WIPI1: variants seen among roughly 807,000 people sequenced by gnomAD.
The protein encoded by WIPI1 is WD repeat domain, phosphoinositide interacting 1.
In WIPI1, 45 loss-of-function variants were observed where a neutral mutation model predicts 55.3. That is an observed-to-expected ratio of 0.81 (90% CI 0.64 to 1.04). The LOEUF is 1.04. Ranked by LOEUF, WIPI1 falls within the 50% of genes least tolerant of loss-of-function variation. The probability of loss-of-function intolerance (pLI) is 0.00; values close to 1 mark genes in which losing one functional copy is unlikely to be tolerated. For missense variants in WIPI1, 445 were observed against 559.0 expected (o/e 0.80, Z 2.06); for synonymous variants, 195 against 217.6 (o/e 0.90, Z 0.92).
chr17:68,431,155 C>A (rs570311676), intron 8 of WIPI1, among the ~76,000 whole-genome samples: 1 of 152,120 alleles, frequency 6.6e-6, no homozygotes, highest in African/African-American at 2.4e-5. Context: ...TGAGAGAGCA[C>A]GGGTGTATAC....
intron 1 of WIPI1, among the ~76,000 whole-genome samples, chr17:68,454,460 G>C (rs916744581): frequency 3.3e-5 from 5 of 152,202 alleles, no homozygotes; most frequent in Admixed American, 6.5e-5. Flanking sequence ...GGGACACAGG[G>C]ATAGGGCAAC....
rs1004794371 is a variant in WIPI1, at chr17:68,435,653, G to A, written c.588C>T (p.Ala196=). 6 of 1,614,108 alleles carry A rather than the reference G, an allele frequency of 3.7e-6. No individual in the cohort carries two copies. The highest frequency in any genetic ancestry group is 5.1e-6 in the Non-Finnish European group (6 of 1,180,044). ...ACGCACTTGCTAGTTTGGAGCCTGAGGCATTGAAGGTGATGGCAGCTAGTG... is the reference window on the plus strand; with the variant it reads ...ACGCACTTGCTAGTTTGGAGCCTGAAGCATTGAAGGTGATGGCAGCTAGTG... ...EGTLAAITFN[A]SGSKLASASE... The change falls in exon 6 of 13, where the codon GCC becomes GCT. Residue 196 remains alanine (A), a synonymous_variant. Coordinates refer to ENST00000262139, the MANE Select transcript of WIPI1 (RefSeq NM_017983.7).
intron 4 of WIPI1, among the ~76,000 whole-genome samples, chr17:68,439,855 T>G (rs2084003196): frequency 6.6e-6 from 1 of 152,176 alleles, no homozygotes; most frequent in South Asian, 2.1e-4. Flanking sequence ...ATGCCAAGCC[T>G]TCGTTTCTTA....
chr17:68,430,541 T>C (rs2083461476), intron 8 of WIPI1, among the ~76,000 whole-genome samples: 1 of 152,172 alleles, frequency 6.6e-6, no homozygotes, highest in Non-Finnish European at 1.5e-5. Context: ...GCCGGGCTCA[T>C]GGAAGAACAG....
At chr17:68,449,608 G>A (rs916999294) in intron 3 of WIPI1, among the ~76,000 whole-genome samples, 2 of 152,090 alleles carry the variant, frequency 1.3e-5, no homozygotes, top group Admixed American at 6.6e-5. Flanking sequence ...TTTAATAGTG[G>A]GTAGTACCCC....
chr17:68,428,516 A>G, intron 10 of WIPI1: 1 of 237,930 alleles, frequency 4.2e-6, no homozygotes, highest in Non-Finnish European at 8.4e-6. Flanking sequence ...TACAGGTGTG[A>G]GCCGCCACAC....
At chr17:68,451,874 G>A (rs954896672) in intron 2 of WIPI1, among the ~76,000 whole-genome samples, 3 of 152,168 alleles carry the variant, frequency 2.0e-5, no homozygotes, top group African/African-American at 7.2e-5. Context: ...GTATCTTTCT[G>A]AGCACATTCT....
rs115699358 is a variant in WIPI1, at chr17:68,441,584, C to T, written c.430+2909G>A. Reference sequence around the variant, plus strand: ...CAGGGCGGAGTCCTCTGAAGGTTCCCGAGTGAGGACCTGGTCATGTCACTG... The same window carrying T: ...CAGGGCGGAGTCCTCTGAAGGTTCCTGAGTGAGGACCTGGTCATGTCACTG... On this transcript the variant is annotated intron_variant, in intron 4 of 12. Coordinates refer to ENST00000262139, the MANE Select transcript of WIPI1 (RefSeq NM_017983.7). Among the ~76,000 whole-genome samples the T allele has an allele frequency of 8.9e-4, 135 of 152,238 alleles. 1 individual carries two copies. Among genetic ancestry groups the T allele is most frequent in the African/African-American group, 3.1e-3 (127 of 41,552 alleles).
In WIPI1 at chr17:68,423,874, A is replaced by G. The variant is rs1438988789; in HGVS notation, c.1294-2054T>C. Among the ~76,000 whole-genome samples, 1 of 152,258 alleles carries G rather than the reference A, an allele frequency of 6.6e-6. No individual in the cohort carries two copies. Among genetic ancestry groups the G allele is most frequent in the East Asian group, 1.9e-4 (1 of 5,204 alleles). ...ATAAGAGGTTGCAAGGCTTACTGCG[A>G]TTACAATTAAGAATCTAATAATATT... On this transcript the variant is annotated intron_variant, in intron 12 of 12. Coordinates refer to ENST00000262139, the MANE Select transcript of WIPI1 (RefSeq NM_017983.7). This position sits in a 1 kb window ranked among gnomAD's most constrained non-coding sequence, Gnocchi z 4.4.
chr17:68,421,991 G>C (rs888115119), intron 12 of WIPI1, 171 bp from the exon 13 acceptor site: 1 of 712,786 alleles, frequency 1.4e-6, no homozygotes. Context: ...AGCTTATTTA[G>C]GTGTAGACAA....
At chr17:68,444,351 A>G in intron 4 of WIPI1, 142 bp downstream of exon 4, 1 of 728,088 alleles carries the variant, frequency 1.4e-6, no homozygotes, top group African/African-American at 1.8e-5. Context: ...GCCGCCATTA[A>G]GACAAAGCTT....
In WIPI1 at chr17:68,423,152, G is replaced by A. The variant is rs2147682190; in HGVS notation, c.1294-1332C>T. 6.6e-6 allele frequency among the ~76,000 whole-genome samples: 1 copy of A among 152,284 alleles called. No homozygotes were observed. The highest frequency in any genetic ancestry group is 3.4e-3 in the Middle Eastern group (1 of 294). ...GCTGAGACTCCAAGAGCCTTTTGTG[G>A]TCCTAGAAGATTTTAAGGAATGTGA... On this transcript the variant is annotated intron_variant, in intron 12 of 12. Transcript: ENST00000262139. This position sits in a 1 kb window ranked among gnomAD's most constrained non-coding sequence, Gnocchi z 4.4.
At chr17:68,436,297 ACGGCAGG>A in intron 5 of WIPI1, 78 bp downstream of exon 5, 1 of 1,266,470 alleles carries the variant, frequency 7.9e-7, no homozygotes, top group African/African-American at 1.5e-5. Flanking sequence ...CCAGCCCCCG[ACGGCAGG>A]GCGTCCTTAT....
At chr17:68,429,896 A>G in intron 9 of WIPI1, 100 bp downstream of exon 9, 1 of 1,561,554 alleles carries the variant, frequency 6.4e-7, no homozygotes, top group Non-Finnish European at 8.7e-7. Context: ...GCCTGGGGCA[A>G]GTTTTCTTTT....
Position 68,457,457 on chromosome 17 carries a change from G to A in WIPI1, c.-36C>T, listed in dbSNP as rs752448673. ...GCCCGGGAAGCCGCAGCTCGGAGCC[G>A]GCGACAGCCACCTCAGCAGCCCGCC... On this transcript the variant is annotated 5_prime_UTR_variant, in exon 1 of 13. Transcript: ENST00000262139. The A allele has an allele frequency of 6.2e-6, 9 of 1,457,608 alleles. No homozygotes were observed. The East Asian group carries it at 1.8e-4, about 29-fold the overall frequency. 90.3% of individuals were successfully genotyped at this position (1,457,608 alleles called of 1,614,324 possible).
In WIPI1 at chr17:68,430,162, T is replaced by A; in HGVS notation, c.801-2A>T. On this transcript the variant is annotated splice_acceptor_variant, in intron 8 of 12. Transcript: ENST00000262139. LOFTEE classifies it high-confidence loss of function. The stretch of plus-strand genomic sequence containing the variant: ...CAGGTCGAAGGCTCTTCTGGTCGAC[T>A]AGGGAGTAATGCACAGGCAACGATG... 6.2e-7 allele frequency: 1 copy of A among 1,611,286 alleles called. No homozygotes were observed. The highest frequency in any genetic ancestry group is 8.5e-7 in the Non-Finnish European group (1 of 1,178,876).
Position 68,457,392 on chromosome 17 carries a change from C to G in WIPI1, c.30G>C (p.Pro10=). The G allele has an allele frequency of 6.5e-7, 1 of 1,534,764 alleles. No individual in the cohort carries two copies. The highest frequency in any genetic ancestry group is 1.2e-5 in the South Asian group (1 of 82,662). The change falls in exon 1 of 13, where the codon CCG becomes CCC. Residue 10 remains proline (P), a synonymous_variant. Transcript: ENST00000262139. MEAEAADAP[P]GGVESALSCF... ...AGCTGAGCGCCGACTCAACCCCGCC[C>G]GGGGGAGCGTCCGCGGCCTCGGCCT...
chr17:68,454,514 A>C (rs2084598049), intron 1 of WIPI1, among the ~76,000 whole-genome samples: 1 of 152,198 alleles, frequency 6.6e-6, no homozygotes, highest in Non-Finnish European at 1.5e-5. Context: ...GACGTCTCGC[A>C]GCCCTCCAAC....
intron 9 of WIPI1, among the ~76,000 whole-genome samples, chr17:68,429,674 C>T (rs541603869): frequency 4.1e-4 from 63 of 152,186 alleles, no homozygotes; most frequent in Non-Finnish European, 6.3e-4. Context: ...CTGCAACCTC[C>T]GCCTCCTGGG....
Sources: allele counts gnomAD v4.1 joint callset (sites outside exome capture counted in the v4.1 genomes callset), GRCh38; gene constraint gnomAD v4.1.1; non-coding constraint Gnocchi (gnomAD v3.1); transcripts MANE v1.5; gene names NCBI Gene and HGNC (gene_info 2026-07-23, HGNC 2026-07-21).